The following AKAP13 variants were observed in gnomAD, a reference collection of about 807,000 sequenced individuals.
The protein encoded by AKAP13 is A-kinase anchor protein 13.
In AKAP13, 80 loss-of-function variants were observed where a neutral mutation model predicts 264.5. The ratio of observed to expected loss-of-function variants is 0.30; its 90% confidence interval spans 0.25 to 0.36. The LOEUF (loss-of-function observed/expected upper bound fraction) is 0.36, where lower values mean the gene tolerates loss of function less well. Ranked by LOEUF, AKAP13 falls within the 10% of genes least tolerant of loss-of-function variation. The pLI, the probability that AKAP13 is intolerant of heterozygous loss-of-function variation, is 1.00. For synonymous variants in AKAP13, 1,380 were observed against 1,250.2 expected (o/e 1.10, Z -2.19); for missense variants, 3,712 against 3,435.2 (o/e 1.08, Z -2.01).
intron 8 of AKAP13, among the ~76,000 whole-genome samples, chr15:85,598,576 G>A (rs971553084): frequency 3.9e-5 from 6 of 152,174 alleles, no homozygotes; most frequent in African/African-American, 4.8e-5. Flanking sequence ...CATTTCCAAA[G>A]CAAAATTGAG....
chr15:85,660,492 C>CTGTA (rs1329276531), intron 12 of AKAP13, among the ~76,000 whole-genome samples: 2 of 149,986 alleles, frequency 1.3e-5, no homozygotes, highest in Admixed American at 1.3e-4. Context: ...ACATTTAAAT[C>CTGTA]TGTAGAAGGA....
chr15:85,538,638 C>A (rs1158795211), intron 4 of AKAP13, among the ~76,000 whole-genome samples: 8 of 150,404 alleles, frequency 5.3e-5, no homozygotes, highest in African/African-American at 1.7e-4. Flanking sequence ...TACAGACGCC[C>A]GCCACCACGC....
intron 17 of AKAP13, among the ~76,000 whole-genome samples, chr15:85,695,225 C>T (rs1198638268): frequency 3.9e-5 from 6 of 152,202 alleles, no homozygotes; most frequent in East Asian, 1.9e-4. Flanking sequence ...GCCAACATGG[C>T]GAAACCCCGT....
chr15:85,438,474 G>A (rs1161340389), intron 1 of AKAP13, among the ~76,000 whole-genome samples: 1 of 150,292 alleles, frequency 6.7e-6, no homozygotes, highest in Non-Finnish European at 1.5e-5. Flanking sequence ...CTACTTTAAA[G>A]TTCATATGGA....
chr15:85,383,775 A>C (rs956876725), intron 1 of AKAP13, among the ~76,000 whole-genome samples: 1 of 152,202 alleles, frequency 6.6e-6, no homozygotes, highest in Admixed American at 6.5e-5. Flanking sequence ...TTTTCAGTAC[A>C]TCAGTCATAA....
intron 8 of AKAP13, among the ~76,000 whole-genome samples, chr15:85,622,885 A>G (rs1394381238): frequency 1.3e-5 from 2 of 152,148 alleles, no homozygotes; most frequent in Admixed American, 6.5e-5. Context: ...GCTTTTATTG[A>G]TATAAGCGTA....
At chr15:85,725,326 C>CT (rs1233680911) in intron 26 of AKAP13, among the ~76,000 whole-genome samples, 1 of 151,324 alleles carries the variant, frequency 6.6e-6, no homozygotes, top group Non-Finnish European at 1.5e-5. Flanking sequence ...TCCACTGACA[C>CT]TGATCATATA....
At chr15:85,619,283 C>A in intron 8 of AKAP13, 1 of 831,364 alleles carries the variant, frequency 1.2e-6, no homozygotes, top group Non-Finnish European at 1.4e-6. Flanking sequence ...GGGTGCGGAG[C>A]TGAAAGGGCA....
intron 2 of AKAP13, among the ~76,000 whole-genome samples, chr15:85,496,742 A>G (rs898654265): frequency 6.6e-6 from 1 of 152,136 alleles, no homozygotes; most frequent in Admixed American, 6.5e-5. Flanking sequence ...TCTTAAATGG[A>G]TTACCTGCCT....
Position 85,579,388 on chromosome 15 carries a change from C to T in AKAP13, c.1320C>T (p.Ser440=), listed in dbSNP as rs1567136038. 3 of 1,614,124 alleles carry T rather than the reference C, an allele frequency of 1.9e-6. No individual in the cohort carries two copies. In the East Asian group the frequency reaches 6.7e-5, roughly 36 times the overall value. ...TGCCCACAGACCAGGAGTCCCTGAGCAGTGGAGATGCTGTGCTTCAGAGAG... is the reference window on the plus strand; with the variant it reads ...TGCCCACAGACCAGGAGTCCCTGAGTAGTGGAGATGCTGTGCTTCAGAGAG... ...SGMPTDQESL[S]SGDAVLQRDL... is the part of the protein sequence containing the mutation. The change falls in exon 7 of 37, where the codon AGC becomes AGT. Residue 440 remains serine, a synonymous_variant. Coordinates refer to ENST00000394518, the MANE Select transcript of AKAP13 (RefSeq NM_007200.5).
Position 85,741,104 on chromosome 15 carries a change from G to A in AKAP13, c.7667G>A (p.Arg2556Lys), listed in dbSNP as rs371984959. Reference protein sequence around the residue: ...IEDQKLVLSERALTRSLSRPS... With the variant: ...IEDQKLVLSEKALTRSLSRPS... ...GACCAGAAACTGGTGCTGAGCGAGA[G>A]GGCGCTCACTCGCAGCTTGTCCCGC... The change falls in exon 35 of 37, where the codon AGG becomes AAG. Residue 2556 changes from arginine to lysine, a missense_variant. By Grantham distance (26) the Arg-to-Lys change is conservative. This residue lies in a region of AKAP13 where 611 missense variants were observed against 539.3 expected (regional missense o/e 1.13). Coordinates refer to ENST00000394518, the MANE Select transcript of AKAP13 (RefSeq NM_007200.5). The A allele has an allele frequency of 1.5e-5, 24 of 1,613,624 alleles. No homozygotes were observed. The African/African-American group carries it at 2.5e-4, about 17-fold the overall frequency.
chr15:85,416,022 A>G (rs145340408), intron 1 of AKAP13, among the ~76,000 whole-genome samples: 98 of 152,268 alleles, frequency 6.4e-4, no homozygotes, highest in African/African-American at 2.3e-3. Flanking sequence ...GTAAATGTCA[A>G]TGGGAAGATT....
chr15:85,587,737 C>A (rs1401050600), intron 8 of AKAP13, among the ~76,000 whole-genome samples: 1 of 152,160 alleles, frequency 6.6e-6, no homozygotes, highest in Non-Finnish European at 1.5e-5. Context: ...ACCTCCACCT[C>A]CTGGGTTGAA....
chr15:85,688,373 C>T (rs957845341), intron 16 of AKAP13, among the ~76,000 whole-genome samples: 6 of 151,896 alleles, frequency 4.0e-5, no homozygotes, highest in Admixed American at 6.6e-5. Context: ...TGTGAGAGAC[C>T]GTCTGATCCA....
intron 2 of AKAP13, among the ~76,000 whole-genome samples, chr15:85,508,073 G>A (rs540748267): frequency 1.3e-5 from 2 of 152,110 alleles, no homozygotes; most frequent in East Asian, 3.9e-4. Flanking sequence ...TATTCTCAAA[G>A]CATTTCAAGC....
chr15:85,555,611 T>G lies in AKAP13; in HGVS notation c.662+11656T>G, dbSNP rs551427993. 8.3e-6 allele frequency: 5 copies of G among 601,618 alleles called. No homozygotes were observed. In the Admixed American group the frequency reaches 1.2e-4, roughly 14 times the overall value. The allele number at this position is 601,618 out of a possible 1,614,324, so 37.3% of individuals were successfully genotyped here. A position where few individuals can be genotyped will look rare whatever the true frequency, so the allele number is the denominator to read the frequency against. On this transcript the variant is annotated intron_variant, in intron 5 of 36. Transcript: ENST00000394518. Reference sequence around the variant, plus strand: ...TCATTGAACTTCCCTGAAGGACTTGTGTTGTTAGGATCAGAAAAGTGTTCT... The same window carrying G: ...TCATTGAACTTCCCTGAAGGACTTGGGTTGTTAGGATCAGAAAAGTGTTCT...
intron 1 of AKAP13, among the ~76,000 whole-genome samples, chr15:85,478,972 A>C (rs2075269711): frequency 6.6e-6 from 1 of 152,204 alleles, no homozygotes; most frequent in African/African-American, 2.4e-5. Flanking sequence ...ACTGATGTTC[A>C]TGTGTACTAA....
intron 12 of AKAP13, among the ~76,000 whole-genome samples, chr15:85,663,067 T>C (rs2083433087): frequency 6.6e-6 from 1 of 152,194 alleles, no homozygotes; most frequent in Admixed American, 6.5e-5. Flanking sequence ...CCCAGTACTT[T>C]GGGAGGCTGC....
At chr15:85,440,829 AGCCAAGGATTAATTTTG>A (rs977601142) in intron 1 of AKAP13, among the ~76,000 whole-genome samples, 2 of 152,206 alleles carry the variant, frequency 1.3e-5, no homozygotes, top group Admixed American at 1.3e-4. Flanking sequence ...ACCATTTAGA[AGCCAAGGATTAATTTTG>A]GGAATGGCTT....
Sources: gnomAD v4.1 joint callset for allele counts (sites outside exome capture counted in the v4.1 genomes callset) on GRCh38, gnomAD v4.1.1 for gene constraint, gnomAD v4.1.1 regional missense constraint, MANE v1.5 for transcripts, NCBI Gene and HGNC (gene_info 2026-07-23, HGNC 2026-07-21) for gene names.